BCR: variants seen among roughly 807,000 people sequenced by gnomAD.
The protein encoded by BCR is BCR activator of RhoGEF and GTPase.
A neutral mutation model predicts 138.6 loss-of-function variants in BCR; 58 were observed. The ratio of observed to expected loss-of-function variants is 0.42; its 90% confidence interval spans 0.34 to 0.52. The LOEUF is 0.52. Ranked by LOEUF, BCR falls within the 20% of genes least tolerant of loss-of-function variation. The probability of loss-of-function intolerance (pLI) is 0.06; values close to 1 mark genes in which losing one functional copy is unlikely to be tolerated. For missense variants in BCR, 1,599 were observed against 1,727.2 expected (o/e 0.93, Z 1.32); for synonymous variants, 786 against 730.1 (o/e 1.08, Z -1.23).
intron 16 of BCR, among the ~76,000 whole-genome samples, chr22:23,303,446 A>G (rs2073924363): frequency 6.6e-6 from 1 of 152,222 alleles, no homozygotes; most frequent in Non-Finnish European, 1.5e-5. Flanking sequence ...CCATTCACCC[A>G]TTCAGGGGGG....
chr22:23,235,786 A>G (rs2073016076), intron 1 of BCR, among the ~76,000 whole-genome samples: 1 of 152,166 alleles, frequency 6.6e-6, no homozygotes, highest in African/African-American at 2.4e-5. Context: ...CCAAGGGCCC[A>G]CTTCCTGGTT....
intron 1 of BCR, among the ~76,000 whole-genome samples, chr22:23,218,177 C>T (rs1424003830): frequency 6.6e-6 from 1 of 152,188 alleles, no homozygotes; most frequent in Non-Finnish European, 1.5e-5. Context: ...GTGCTCTGAC[C>T]TGACCCTCAG....
chr22:23,295,950 G>A lies in BCR; in HGVS notation c.3012+795G>A, dbSNP rs192257939. Among the ~76,000 whole-genome samples, 920 of 152,222 alleles carry A rather than the reference G, an allele frequency of 6.0e-3. 9 individuals are homozygous for A. Among genetic ancestry groups the A allele is most frequent in the African/African-American group, 0.02 (828 of 41,528 alleles). ...TGTGGGTACAGCTCTCTCTTCCCAG[G>A]ACCTTCCATCTTCACAAGAGGCCTC... On this transcript the variant is annotated intron_variant, in intron 16 of 22. Coordinates refer to ENST00000305877, the MANE Select transcript of BCR (RefSeq NM_004327.4).
At position 23,273,743 on chromosome 22, in the gene BCR, G is replaced by T. The variant is rs752549702; in HGVS notation, c.2084G>T (p.Arg695Leu). ...LSSINEEITP[R>L]RQSMTVKKGE... ...AGCATCAATGAGGAGATCACACCCC[G>T]ACGGCAGTCCATGACGGTGAAGAAG... Residue 695 changes from arginine (R) to leucine (L), a missense_variant, in exon 8 of 23, where the codon CGA becomes CTA. Transcript: ENST00000305877. 1.9e-6 allele frequency: 3 copies of T among 1,614,110 alleles called. No homozygotes were observed. The Admixed American group carries it at 5.0e-5, about 27-fold the overall frequency.
chr22:23,285,594 C>T (rs969596820), intron 10 of BCR, among the ~76,000 whole-genome samples: 1 of 152,160 alleles, frequency 6.6e-6, no homozygotes, highest in Non-Finnish European at 1.5e-5. Flanking sequence ...CAGTTTATGC[C>T]CACCTGACCA....
chr22:23,197,513 G>T (rs1202809105), intron 1 of BCR, among the ~76,000 whole-genome samples: 7 of 152,194 alleles, frequency 4.6e-5, no homozygotes, highest in Admixed American at 3.3e-4. Context: ...ATCTGCAGAT[G>T]TGGAACTTGA....
At chr22:23,282,067 C>T (rs1458325754) in intron 8 of BCR, among the ~76,000 whole-genome samples, 1 of 152,236 alleles carries the variant, frequency 6.6e-6, no homozygotes, top group Non-Finnish European at 1.5e-5. Flanking sequence ...CCCGCCACTG[C>T]CCCAGAAGGA....
At chr22:23,309,818 G>A (rs1356263761) in intron 17 of BCR, 1 of 400,092 alleles carries the variant, frequency 2.5e-6, no homozygotes, top group Non-Finnish European at 4.5e-6. Flanking sequence ...GAAAGGTTTA[G>A]ACCTTAAAAG....
chr22:23,311,669 A>G (rs2074009221), intron 18 of BCR, 28 bp from the exon 19 acceptor site: 4 of 1,546,518 alleles, frequency 2.6e-6, no homozygotes, highest in Non-Finnish European at 2.7e-6. Flanking sequence ...GGCTGTTAGG[A>G]CACTGAGAAC....
chr22:23,236,905 G>C (rs1337103404), intron 1 of BCR, among the ~76,000 whole-genome samples: 1 of 152,174 alleles, frequency 6.6e-6, no homozygotes, highest in Non-Finnish European at 1.5e-5. Context: ...GCCCTGTGCT[G>C]GCTCTGGCAG....
chr22:23,181,241 C>T lies in BCR; in HGVS notation c.281C>T (p.Ala94Val), dbSNP rs926207387. 5 of 1,235,222 alleles carry T rather than the reference C, an allele frequency of 4.0e-6. No individual in the cohort carries two copies. In the Admixed American group the frequency reaches 1.3e-4, roughly 31 times the overall value. 76.5% of individuals were successfully genotyped at this position (1,235,222 alleles called of 1,614,324 possible). The change falls in exon 1 of 23, where the codon GCG (alanine) becomes GTG (valine). Residue 94 changes from alanine to valine, a missense_variant. By Grantham distance (64) the Ala-to-Val change is moderately conservative. Transcript: ENST00000305877. Reference sequence around the variant, plus strand: ...GGCGCCTCCGAGCCCCGAGCGTCCGCGTCGCGCCCGCAGCCAGCGCCCGCC... The same window carrying T: ...GGCGCCTCCGAGCCCCGAGCGTCCGTGTCGCGCCCGCAGCCAGCGCCCGCC... ...PDGASEPRAS[A>V]SRPQPAPADG...
chr22:23,310,351 A>G lies in BCR; in HGVS notation c.3100A>G (p.Asn1034Asp). The G allele has an allele frequency of 6.9e-7, 1 of 1,445,434 alleles. No homozygotes were observed. The highest frequency in any genetic ancestry group is 9.7e-7 in the Non-Finnish European group (1 of 1,030,974). The allele number at this position is 1,445,434 out of a possible 1,614,324, so 89.5% of individuals were successfully genotyped here. The change falls in exon 18 of 23, where the codon AAC becomes GAC. Residue 1034 changes from asparagine (N) to aspartate (D), a missense_variant. Around this residue, in one of 4 missense-constraint regions of BCR, gnomAD observed 26 missense variants for 103.5 expected, o/e 0.25. Transcript: ENST00000305877. ...GIEVKLSVKFNSREFSLKRMP... is the reference protein window; with the variant it reads ...GIEVKLSVKFDSREFSLKRMP... ...CGAAGTAAAGCTCTCGGTCAAGTTC[A>G]ACAGCAGGGAGTTCAGCTTGAAGAG... is the stretch of plus-strand genomic sequence containing the variant.
chr22:23,212,127 G>A (rs1051534809), intron 1 of BCR, among the ~76,000 whole-genome samples: 37 of 152,146 alleles, frequency 2.4e-4, no homozygotes, highest in Admixed American at 1.2e-3. Flanking sequence ...TCCTCTTTCC[G>A]TTGCTGGTTT....
rs1281001885 is a variant in BCR at position 23,316,488 on chromosome 22, C to T, written c.*966C>T. ...TGATGACTTGTTTTAAAACTTTCAT[C>T]CTAAATAACCTTTTGATACTTGAAT... On this transcript the variant is annotated 3_prime_UTR_variant, in exon 23 of 23. Coordinates refer to ENST00000305877, the MANE Select transcript of BCR (RefSeq NM_004327.4). 1 of 174,832 alleles carries T rather than the reference C, an allele frequency of 5.7e-6. No individual in the cohort carries two copies. Among genetic ancestry groups the T allele is most frequent in the Non-Finnish European group, 1.2e-5 (1 of 84,508 alleles). 10.8% of individuals were successfully genotyped at this position (174,832 alleles called of 1,614,324 possible).
intron 1 of BCR, among the ~76,000 whole-genome samples, chr22:23,195,827 G>T (rs985891120): frequency 6.6e-6 from 1 of 152,220 alleles, no homozygotes; most frequent in Non-Finnish European, 1.5e-5. Context: ...GGCGGAGGTT[G>T]CAGTGAACCG....
At chr22:23,249,574 G>C (rs2073199700) in intron 1 of BCR, among the ~76,000 whole-genome samples, 1 of 152,100 alleles carries the variant, frequency 6.6e-6, no homozygotes. Flanking sequence ...GTGACAGAAA[G>C]ATCATGTCGC....
intron 4 of BCR, chr22:23,261,978 T>G (rs915247441): frequency 6.3e-6 from 1 of 157,754 alleles, no homozygotes; most frequent in Non-Finnish European, 1.4e-5. Flanking sequence ...TGTAGTGCAC[T>G]ACAGCCCAGA....
Position 23,310,401 on chromosome 22 carries a change from G to A in BCR, c.3150G>A (p.Gly1050=). Residue 1050 remains glycine (G), a synonymous_variant, in exon 18 of 23, where the codon GGG becomes GGA. Coordinates refer to ENST00000305877, the MANE Select transcript of BCR (RefSeq NM_004327.4). ...LKRMPSRKQT[G]VFGVKIAVVT... ...GGATGCCGTCCCGAAAACAGACAGG[G>A]GTCTTCGGAGTCAAGATTGCTGTGG... The A allele has an allele frequency of 6.1e-6, 8 of 1,311,746 alleles. No individual in the cohort carries two copies. The South Asian group carries it at 9.4e-5, about 15-fold the overall frequency. The allele number at this position is 1,311,746 out of a possible 1,614,324, so 81.3% of individuals were successfully genotyped here.
chr22:23,198,789 T>A (rs2072512564), intron 1 of BCR, among the ~76,000 whole-genome samples: 1 of 152,146 alleles, frequency 6.6e-6, no homozygotes, highest in South Asian at 2.1e-4. Context: ...GGCCCGCCCT[T>A]GTTCCCTGGA....
Sources: gnomAD v4.1 joint callset for allele counts (sites outside exome capture counted in the v4.1 genomes callset) on GRCh38, gnomAD v4.1.1 for gene constraint, gnomAD v4.1.1 regional missense constraint, MANE v1.5 for transcripts, NCBI Gene and HGNC (gene_info 2026-07-23, HGNC 2026-07-21) for gene names.